The following SMPDL3B variants were observed in gnomAD, a reference collection of about 807,000 sequenced individuals.
SMPDL3B encodes sphingomyelin phosphodiesterase acid like 3B.
In SMPDL3B, 31 loss-of-function variants were observed where a neutral mutation model predicts 37.9. The observed-to-expected ratio is 0.82, with a 90% CI of 0.61 to 1.10. The LOEUF (loss-of-function observed/expected upper bound fraction) is 1.10. SMPDL3B is among the 50% of genes least tolerant of loss of function. The pLI is 0.00. For synonymous variants in SMPDL3B, 235 were observed against 242.6 expected (o/e 0.97, Z 0.29); for missense variants, 525 against 597.8 (o/e 0.88, Z 1.27).
intron 1 of SMPDL3B, among the ~76,000 whole-genome samples, chr1:27,944,621 A>C (rs1161659765): frequency 6.6e-6 from 1 of 152,014 alleles, no homozygotes; most frequent in African/African-American, 2.4e-5. Flanking sequence ...CTCCCAAAGT[A>C]CTGGGATTAC....
chr1:27,953,194 T>C, intron 3 of SMPDL3B, 21 bp from the exon 4 acceptor site: 1 of 1,602,054 alleles, frequency 6.2e-7, no homozygotes, highest in Non-Finnish European at 8.5e-7. Context: ...TATATTTTGA[T>C]ATTTCACCCT....
At position 27,942,010 on chromosome 1, in the gene SMPDL3B, GACACACACGCAC is replaced by G. The variant is rs548595600; in HGVS notation, c.62-3214_62-3203del. 1.9e-3 allele frequency among the ~76,000 whole-genome samples: 293 copies of G among 152,000 alleles called. 1 individual carries two copies. Among genetic ancestry groups the G allele is most frequent in the Middle Eastern group, 3.4e-3 (1 of 294 alleles). On this transcript the variant is annotated intron_variant, in intron 1 of 7. Transcript: ENST00000373894. Reference sequence around the variant, plus strand: ...CAGCACACACACATGCACACACACAGACACACACGCACACACACATAAACACACATGCATGTA... The same window carrying G: ...CAGCACACACACATGCACACACACAGACACACATAAACACACATGCATGTA...
chr1:27,953,416 C>T (rs915399394), intron 4 of SMPDL3B, 58 bp downstream of exon 4: 8 of 1,430,932 alleles, frequency 5.6e-6, no homozygotes, highest in South Asian at 5.2e-5. Context: ...GTCTGATCTT[C>T]GTCTTCACAA....
chr1:27,937,262 C>T (rs1011719424), intron 1 of SMPDL3B, among the ~76,000 whole-genome samples: 2 of 152,212 alleles, frequency 1.3e-5, no homozygotes, highest in African/African-American at 2.4e-5. Flanking sequence ...TGTAACATTT[C>T]GCTCCTTCCT....
chr1:27,958,689 G>A lies in SMPDL3B; in HGVS notation c.1219G>A (p.Glu407Lys), dbSNP rs1288509168. ...SVSYSAGVCDEACSMQHVCAM... is the reference protein window; with the variant it reads ...SVSYSAGVCDKACSMQHVCAM... ...CAGCTACTCTGCTGGGGTCTGCGAC[G>A]AGGCCTGCAGCATGCAGCACGTGTG... is the stretch of plus-strand genomic sequence containing the variant. Residue 407 changes from glutamate to lysine, a missense_variant, in exon 8 of 8, where the codon GAG (glutamate) becomes AAG (lysine). By Grantham distance (56) the Glu-to-Lys change is moderately conservative. Coordinates refer to ENST00000373894, the MANE Select transcript of SMPDL3B (RefSeq NM_014474.4). The surrounding 1 kb of genome is among the most constrained non-coding windows in gnomAD (Gnocchi z 5.6). The A allele has an allele frequency of 3.7e-6, 6 of 1,613,946 alleles. No individual in the cohort carries two copies. Among genetic ancestry groups the A allele is most frequent in the South Asian group, 1.1e-5 (1 of 91,082 alleles).
Position 27,955,781 on chromosome 1 carries a change from T to C in SMPDL3B, c.788T>C (p.Val263Ala), listed in dbSNP as rs3813803. 438,194 of 1,613,590 alleles carry C rather than the reference T, an allele frequency of 0.27. 61,778 individuals are homozygous for C. The highest frequency in any genetic ancestry group is 0.29 in the Non-Finnish European group (342,440 of 1,179,816). Residue 263 changes from valine (V) to alanine (A), a missense_variant, in exon 6 of 8, where the codon GTC becomes GCC. Val to Ala is a moderately conservative substitution (Grantham distance 64, BLOSUM62 0). Coordinates refer to ENST00000373894, the MANE Select transcript of SMPDL3B (RefSeq NM_014474.4). ...EGFNEKYLKV[V>A]RKHHRVIAGQ... ...TTCAATGAAAAATACCTGAAGGTGG[T>C]CCGGAAGCATCATCGCGTCATAGCA...
rs892009727 is a variant in SMPDL3B at position 27,959,037 on chromosome 1, T to C, written c.*199T>C. On this transcript the variant is annotated 3_prime_UTR_variant, in exon 8 of 8. Transcript: ENST00000373894. ...TCCAGCCTGGGTGACAAAGCCAGAC[T>C]CTCTCCAAAAACAAACCAGAAACAG... 4 of 614,410 alleles carry C rather than the reference T, an allele frequency of 6.5e-6. No homozygotes were observed. Among genetic ancestry groups the C allele is most frequent in the Non-Finnish European group, 1.1e-5 (4 of 362,538 alleles). The allele number at this position is 614,410 out of a possible 1,614,324, so 38.1% of individuals were successfully genotyped here.
rs750083416 is a variant in SMPDL3B at position 27,958,531 on chromosome 1, G to A, written c.1061G>A (p.Arg354His). Residue 354 changes from arginine (R) to histidine (H), a missense_variant, in exon 8 of 8, where the codon CGC becomes CAC. Transcript: ENST00000373894. The surrounding 1 kb of genome is among the most constrained non-coding windows in gnomAD (Gnocchi z 5.6). Reference protein sequence around the residue: ...LSQANAQGTPRWELEYQLTEA... With the variant: ...LSQANAQGTPHWELEYQLTEA... ...CAGGCGAATGCTCAGGGGACGCCGC[G>A]CTGGGAGCTCGAGTACCAGCTGACC... 25 of 1,613,784 alleles carry A rather than the reference G, an allele frequency of 1.5e-5. No individual in the cohort carries two copies. The highest frequency in any genetic ancestry group is 8.9e-5 in the East Asian group (4 of 44,878).
At chr1:27,951,906 T>C (rs1029966397) in intron 3 of SMPDL3B, among the ~76,000 whole-genome samples, 4 of 152,168 alleles carry the variant, frequency 2.6e-5, no homozygotes, top group Non-Finnish European at 4.4e-5. Flanking sequence ...AAAGACTCAG[T>C]CTGCTCCCTG....
chr1:27,935,285 T>G, intron 1 of SMPDL3B, 41 bp downstream of exon 1: 2 of 1,477,872 alleles, frequency 1.4e-6, no homozygotes, highest in Non-Finnish European at 1.9e-6. Context: ...TGTTTTGTAC[T>G]GTGAACTCTG....
At chr1:27,953,188 T>G (rs1332413889) in intron 3 of SMPDL3B, 27 bp from the exon 4 acceptor site, 2 of 1,596,774 alleles carry the variant, frequency 1.3e-6, no homozygotes, top group Non-Finnish European at 8.6e-7. Flanking sequence ...TGCATATATA[T>G]TTTGATATTT....
chr1:27,935,664 C>T lies in SMPDL3B; in HGVS notation c.61+420C>T, dbSNP rs542154918. Reference sequence around the variant, plus strand: ...TCTGGGGAGAAAAAAACAAACCACACGAACAAGTAAAGTACGCAGCATTGG... The same window carrying T: ...TCTGGGGAGAAAAAAACAAACCACATGAACAAGTAAAGTACGCAGCATTGG... On this transcript the variant is annotated intron_variant, in intron 1 of 7. Transcript: ENST00000373894. Among the ~76,000 whole-genome samples, 3 of 152,244 alleles carry T rather than the reference C, an allele frequency of 2.0e-5. No individual in the cohort carries two copies. In the East Asian group the frequency reaches 5.8e-4, roughly 29 times the overall value.
rs200378009 is a variant in SMPDL3B at position 27,935,245 on chromosome 1, G to T, written c.61+1G>T. 2.8e-5 allele frequency: 45 copies of T among 1,610,784 alleles called. No individual in the cohort carries two copies. The highest frequency in any genetic ancestry group is 1.3e-4 in the Admixed American group (8 of 60,016). ...TGGGGAGGTGCCAGGGCTGAACCAG[G>T]TACAGCACTGGGAATGTCTGCTATG... On this transcript the variant is annotated splice_donor_variant, in intron 1 of 7. Coordinates refer to ENST00000373894, the MANE Select transcript of SMPDL3B (RefSeq NM_014474.4). LOFTEE classifies it high-confidence loss of function.
chr1:27,953,974 G>A (rs1022344203), intron 4 of SMPDL3B, among the ~76,000 whole-genome samples: 5 of 152,222 alleles, frequency 3.3e-5, no homozygotes, highest in African/African-American at 1.2e-4. Context: ...CCGACCAGAA[G>A]CCTGTGCCAC....
intron 3 of SMPDL3B, among the ~76,000 whole-genome samples, chr1:27,949,622 G>A (rs2090438476): frequency 6.6e-6 from 1 of 152,210 alleles, no homozygotes; most frequent in South Asian, 2.1e-4. Flanking sequence ...GGACTTCAGA[G>A]TCTGGCAGAG....
chr1:27,936,201 C>T (rs2090306826), intron 1 of SMPDL3B, among the ~76,000 whole-genome samples: 1 of 152,118 alleles, frequency 6.6e-6, no homozygotes. Flanking sequence ...TCTGTAATCC[C>T]AGCACTTTGG....
In SMPDL3B at chr1:27,958,579, C is replaced by T; in HGVS notation, c.1109C>T (p.Ala370Val). 1 of 1,613,916 alleles carries T rather than the reference C, an allele frequency of 6.2e-7. No homozygotes were observed. The highest frequency in any genetic ancestry group is 8.5e-7 in the Non-Finnish European group (1 of 1,179,998). Residue 370 changes from alanine (A) to valine (V), a missense_variant, in exon 8 of 8, where the codon GCC (alanine) becomes GTC (valine). Physicochemically the swap from Ala to Val is moderately conservative, Grantham distance 64 (BLOSUM62 0). Coordinates refer to ENST00000373894, the MANE Select transcript of SMPDL3B (RefSeq NM_014474.4). This position sits in a 1 kb window ranked among gnomAD's most constrained non-coding sequence, Gnocchi z 5.6. ...QLTEAYGVPD[A>V]SAHSMHTVLD... ...ACCGAGGCCTATGGGGTGCCGGACG[C>T]CAGCGCCCACTCCATGCACACAGTG...
Position 27,945,502 on chromosome 1 carries a change from AC to A in SMPDL3B, c.275+59del. ...GCCAGGCATCTGCTATGTGCTACAT[AC>A]CAGTCTGGCCCTTTGCCCACATTAT... On this transcript the variant is annotated intron_variant, in intron 2 of 7. Coordinates refer to ENST00000373894, the MANE Select transcript of SMPDL3B (RefSeq NM_014474.4). The surrounding 1 kb of genome is among the most constrained non-coding windows in gnomAD (Gnocchi z 4.0). 1 of 1,399,096 alleles carries A rather than the reference AC, an allele frequency of 7.1e-7. No individual in the cohort carries two copies. The highest frequency in any genetic ancestry group is 1.0e-6 in the Non-Finnish European group (1 of 990,800). 86.7% of individuals were successfully genotyped at this position (1,399,096 alleles called of 1,614,324 possible).
At chr1:27,957,539 G>A (rs528789447) in intron 7 of SMPDL3B, among the ~76,000 whole-genome samples, 3 of 152,284 alleles carry the variant, frequency 2.0e-5, no homozygotes, top group African/African-American at 7.2e-5. Flanking sequence ...GCTTGAAGAG[G>A]TGAGGATAGA....
Sources: allele counts gnomAD v4.1 joint callset (sites outside exome capture counted in the v4.1 genomes callset), GRCh38; gene constraint gnomAD v4.1.1; non-coding constraint Gnocchi (gnomAD v3.1); transcripts MANE v1.5; gene names NCBI Gene and HGNC (gene_info 2026-07-23, HGNC 2026-07-21).